NPAT: variants seen among roughly 807,000 people sequenced by gnomAD.
The protein encoded by NPAT is nuclear protein, coactivator of histone transcription, also known as protein NPAT.
In NPAT, 52 loss-of-function variants were observed where a neutral mutation model predicts 130.7. That is an observed-to-expected ratio of 0.40 (90% CI 0.32 to 0.50). NPAT has a LOEUF of 0.50. NPAT is among the 20% of genes least tolerant of loss of function. NPAT has a pLI of 0.68. For synonymous variants in NPAT, 580 were observed against 584.8 expected, an observed-to-expected ratio of 0.99 and a Z score of 0.12; for missense variants, 1,687 against 1,662.6, an observed-to-expected ratio of 1.01 and a Z score of -0.26.
In NPAT at chr11:108,161,407, C is replaced by G. The variant is rs1055252784; in HGVS notation, c.3679G>C (p.Val1227Leu). The change falls in exon 17 of 18, where the codon GTG (valine) becomes CTG (leucine). Residue 1227 changes from valine (V) to leucine (L), a missense_variant. Physicochemically the swap from Val to Leu is conservative, Grantham distance 32. Transcript: ENST00000278612. ...NKNVLSVGTAVKDLKQEQTKS... is the reference protein window; with the variant it reads ...NKNVLSVGTALKDLKQEQTKS... ...GTTTGTTCTTGTTTTAGATCCTTCACAGCTGTACCTACTGAAAGTACATTT... is the reference window on the plus strand; with the variant it reads ...GTTTGTTCTTGTTTTAGATCCTTCAGAGCTGTACCTACTGAAAGTACATTT... 6.2e-7 allele frequency: 1 copy of G among 1,614,198 alleles called. No homozygotes were observed. The highest frequency in any genetic ancestry group is 1.3e-5 in the African/African-American group (1 of 75,042).
intron 13 of NPAT, 178 bp from the exon 14 acceptor site, chr11:108,170,221 C>G (rs2077938044): frequency 5.1e-6 from 3 of 584,776 alleles, no homozygotes; most frequent in Admixed American, 5.8e-5. Flanking sequence ...GAAACTGAAA[C>G]AGTTTTAGGA....
chr11:108,173,988 GT>G, intron 12 of NPAT, 137 bp from the exon 13 acceptor site: 1 of 774,196 alleles, frequency 1.3e-6, no homozygotes, highest in African/African-American at 1.7e-5. Context: ...GATACGCTGT[GT>G]TTCCCATTTA....
chr11:108,192,678 G>A (rs1457238760), intron 3 of NPAT, among the ~76,000 whole-genome samples: 2 of 152,088 alleles, frequency 1.3e-5, no homozygotes, highest in Admixed American at 6.6e-5. Context: ...ATGAGAGGCC[G>A]GGCATGGTGG....
chr11:108,181,790 C>T (rs1477952711), intron 10 of NPAT, among the ~76,000 whole-genome samples: 1 of 151,892 alleles, frequency 6.6e-6, no homozygotes, highest in Non-Finnish European at 1.5e-5. Context: ...AGCTTCCCAG[C>T]ATGTGAAGCA....
intron 12 of NPAT, among the ~76,000 whole-genome samples, chr11:108,174,693 C>A (rs2077987762): frequency 6.6e-6 from 1 of 150,398 alleles, no homozygotes; most frequent in African/African-American, 2.5e-5. Context: ...CAGCTCACTG[C>A]AGCCTCTGCC....
rs538506674 is a variant in NPAT at position 108,158,274 on chromosome 11, T to C, written c.*668A>G. 3 of 152,588 alleles carry C rather than the reference T, an allele frequency of 2.0e-5. No homozygotes were observed. In the South Asian group the frequency reaches 6.2e-4, roughly 32 times the overall value. 9.5% of individuals were successfully genotyped at this position (152,588 alleles called of 1,614,324 possible). ...ATGAAAGATCAGAACATTCAATAAATGGTTTACAAAATTCTCTCTTTAAAA... is the reference window on the plus strand; with the variant it reads ...ATGAAAGATCAGAACATTCAATAAACGGTTTACAAAATTCTCTCTTTAAAA... On this transcript the variant is annotated 3_prime_UTR_variant, in exon 18 of 18. Transcript: ENST00000278612.
chr11:108,207,453 G>A (rs2078339836), intron 1 of NPAT, among the ~76,000 whole-genome samples: 1 of 152,214 alleles, frequency 6.6e-6, no homozygotes. Flanking sequence ...CGGTGCTTAG[G>A]CTGTTCATGC....
At chr11:108,199,883 A>G (rs1295270460) in intron 1 of NPAT, among the ~76,000 whole-genome samples, 1 of 152,160 alleles carries the variant, frequency 6.6e-6, no homozygotes, top group Non-Finnish European at 1.5e-5. Context: ...TCTTTCCTAT[A>G]GCATTTTCTT....
chr11:108,172,369 A>T lies in NPAT; in HGVS notation c.2615T>A (p.Val872Glu), dbSNP rs2077959832. ...NSNNILIATC[V>E]TDPTALGTSV... ...TGTTCCTAACGCTGTTGGATCAGTC[A>T]CACAGGTAGCTATCAGAATGTTATT... Residue 872 changes from valine to glutamate, a missense_variant, in exon 13 of 18, where the codon GTG becomes GAG. Val to Glu is a moderately radical substitution (Grantham distance 121, BLOSUM62 -2). Around this residue, in one of 3 missense-constraint regions of NPAT, gnomAD observed 1,379 missense variants for 1,346.6 expected, o/e 1.02. Coordinates refer to ENST00000278612, the MANE Select transcript of NPAT (RefSeq NM_002519.3). The T allele has an allele frequency of 6.2e-7, 1 of 1,614,118 alleles. No homozygotes were observed. Among genetic ancestry groups the T allele is most frequent in the Admixed American group, 1.7e-5 (1 of 60,008 alleles).
intron 12 of NPAT, 51 bp downstream of exon 12, chr11:108,176,195 A>T (rs778268926): frequency 1.5e-6 from 2 of 1,321,008 alleles, no homozygotes; most frequent in Non-Finnish European, 2.2e-6. Flanking sequence ...TTGAATTTTG[A>T]GACTAATATT....
chr11:108,215,427 AG>A (rs1443852916), intron 1 of NPAT, among the ~76,000 whole-genome samples: 1 of 152,186 alleles, frequency 6.6e-6, no homozygotes, highest in African/African-American at 2.4e-5. Flanking sequence ...AATGGGTTCT[AG>A]GCTTAACACC....
chr11:108,211,404 A>G (rs1197242677), intron 1 of NPAT, among the ~76,000 whole-genome samples: 4 of 151,960 alleles, frequency 2.6e-5, no homozygotes, highest in South Asian at 2.1e-4. Context: ...TTAGCTGGAC[A>G]TGGTGGTGTG....
In NPAT at chr11:108,222,441, A is replaced by C. The variant is rs2078534155; in HGVS notation, c.37+59T>G. 1.9e-6 allele frequency: 3 copies of C among 1,589,734 alleles called. No individual in the cohort carries two copies. In the Admixed American group the frequency reaches 5.1e-5, roughly 27 times the overall value. ...ACCAAGGGAAAACCTTTGGCCTCAA[A>C]GGTCCTTCTGTCCAGCATAGCCGGG... On this transcript the variant is annotated intron_variant, in intron 1 of 17. Transcript: ENST00000278612.
At chr11:108,159,846 A>C (rs933150580) in intron 17 of NPAT, among the ~76,000 whole-genome samples, 2 of 151,478 alleles carry the variant, frequency 1.3e-5, no homozygotes, top group African/African-American at 4.8e-5. Context: ...GACTGTCTCT[A>C]TAAAAAAAAA....
At chr11:108,175,066 T>C (rs2077991606) in intron 12 of NPAT, among the ~76,000 whole-genome samples, 1 of 152,258 alleles carries the variant, frequency 6.6e-6, no homozygotes, top group Non-Finnish European at 1.5e-5. Context: ...TCTGTAGTTT[T>C]GCTTTCTGTG....
At chr11:108,212,299 C>T (rs1009918621) in intron 1 of NPAT, among the ~76,000 whole-genome samples, 8 of 152,000 alleles carry the variant, frequency 5.3e-5, no homozygotes, top group African/African-American at 1.4e-4. Flanking sequence ...CCGAGCTGGG[C>T]GGATCATTTG....
Position 108,222,613 on chromosome 11 carries a change from C to A in NPAT, c.-77G>T, listed in dbSNP as rs2078543668. 1.3e-6 allele frequency: 2 copies of A among 1,524,014 alleles called. No individual in the cohort carries two copies. The highest frequency in any genetic ancestry group is 1.8e-6 in the Non-Finnish European group (2 of 1,105,626). 94.4% of individuals were successfully genotyped at this position (1,524,014 alleles called of 1,614,324 possible). ...AAACACAGCGACAGCTCCTGCGCCG[C>A]ATCTCCTGGTTCCAGTGGCGGCACT... On this transcript the variant is annotated 5_prime_UTR_variant, in exon 1 of 18. An upstream start codon of the reference 5' UTR is lost. Coordinates refer to ENST00000278612, the MANE Select transcript of NPAT (RefSeq NM_002519.3).
intron 15 of NPAT, among the ~76,000 whole-genome samples, chr11:108,168,469 A>T (rs931965120): frequency 6.6e-6 from 1 of 152,162 alleles, no homozygotes. Flanking sequence ...ACTTAAGCCT[A>T]CATCAATAGA....
At chr11:108,186,382 T>C (rs1225195046) in intron 8 of NPAT, 100 bp downstream of exon 8, 3 of 866,200 alleles carry the variant, frequency 3.5e-6, no homozygotes, top group Non-Finnish European at 5.8e-6. Flanking sequence ...TACTCCTGTT[T>C]CTTTATTTGA....
Sources: gnomAD v4.1 joint callset for allele counts (sites outside exome capture counted in the v4.1 genomes callset) on GRCh38, gnomAD v4.1.1 for gene constraint, gnomAD v4.1.1 regional missense constraint, MANE v1.5 for transcripts, NCBI Gene and HGNC (gene_info 2026-07-23, HGNC 2026-07-21) for gene names.